The following EFCAB6 variants were observed in gnomAD, a reference collection of about 807,000 sequenced individuals.
EFCAB6 encodes the protein EF-hand calcium binding domain 6.
In EFCAB6, 156 loss-of-function variants were observed where a neutral mutation model predicts 169.8. The observed-to-expected ratio is 0.92, with a 90% CI of 0.81 to 1.05. The LOEUF (loss-of-function observed/expected upper bound fraction) is 1.05. EFCAB6 is among the 50% of genes least tolerant of loss of function. The pLI is 0.00. For synonymous variants in EFCAB6, 698 were observed against 676.4 expected (o/e 1.03, Z -0.50); for missense variants, 1,800 against 1,829.1 (o/e 0.98, Z 0.29).
chr22:43,570,533 G>C (rs1480598291), intron 26 of EFCAB6, among the ~76,000 whole-genome samples: 2 of 152,070 alleles, frequency 1.3e-5, no homozygotes, highest in African/African-American at 2.4e-5. Context: ...GTATTTGCTG[G>C]GGAGAGAAAT....
intron 27 of EFCAB6, chr22:43,553,070 A>C (rs3928058): frequency 6.6e-6 from 1 of 152,218 alleles, no homozygotes; most frequent in Non-Finnish European, 1.5e-5. Context: ...TAATGTCTTT[A>C]CGGCATGCAT....
intron 24 of EFCAB6, 128 bp from the exon 25 acceptor site, chr22:43,580,787 C>A: frequency 3.1e-6 from 3 of 979,204 alleles, no homozygotes; most frequent in Non-Finnish European, 4.6e-6. Context: ...CCATTCCCTT[C>A]GCTGTACGTG....
intron 2 of EFCAB6, among the ~76,000 whole-genome samples, chr22:43,798,811 A>C (rs957097127): frequency 6.6e-6 from 1 of 152,238 alleles, no homozygotes; most frequent in Admixed American, 6.5e-5. Flanking sequence ...CTAATCAGTC[A>C]GCAAGTGATG....
At chr22:43,786,319 A>G (rs915250641) in intron 2 of EFCAB6, among the ~76,000 whole-genome samples, 2 of 152,130 alleles carry the variant, frequency 1.3e-5, no homozygotes, top group Non-Finnish European at 2.9e-5. Flanking sequence ...GCTGAGATCA[A>G]TTCACCTAAC....
intron 19 of EFCAB6, among the ~76,000 whole-genome samples, chr22:43,627,266 C>CA (rs1412039118): frequency 6.6e-6 from 1 of 152,154 alleles, no homozygotes; most frequent in Non-Finnish European, 1.5e-5. Flanking sequence ...GATGAGGAAA[C>CA]AGAGGCTCAG....
chr22:43,614,426 T>C (rs1487670957), intron 21 of EFCAB6, among the ~76,000 whole-genome samples: 1 of 152,128 alleles, frequency 6.6e-6, no homozygotes, highest in African/African-American at 2.4e-5. Flanking sequence ...ACATCCACCT[T>C]TAAATAAATG....
intron 2 of EFCAB6, among the ~76,000 whole-genome samples, chr22:43,791,523 A>G (rs2062287922): frequency 6.6e-6 from 1 of 152,148 alleles, no homozygotes; most frequent in South Asian, 2.1e-4. Context: ...AAGGAGATGA[A>G]GAAGAACCAG....
chr22:43,592,118 G>T (rs1047808189), intron 23 of EFCAB6, among the ~76,000 whole-genome samples: 9 of 152,166 alleles, frequency 5.9e-5, no homozygotes, highest in Non-Finnish European at 1.2e-4. Context: ...ATAATCCATA[G>T]GAAAAGAAAC....
chr22:43,580,653 T>C lies in EFCAB6; in HGVS notation c.3039A>G (p.Gly1013=), dbSNP rs2147305381. 1 of 1,613,550 alleles carries C rather than the reference T, an allele frequency of 6.2e-7. No homozygotes were observed. The highest frequency in any genetic ancestry group is 1.1e-5 in the South Asian group (1 of 90,930). The part of the protein sequence containing the change: ...GELTHLLNSW[G]VSRHDNAINY... ...TGATAGCATTATCATGCCGGCTGACTCCCCAACTTGTCCCAAAAGGAAGAA... is the reference window on the plus strand; with the variant it reads ...TGATAGCATTATCATGCCGGCTGACCCCCCAACTTGTCCCAAAAGGAAGAA... Residue 1013 remains glycine, a synonymous_variant, in exon 25 of 32, where the codon GGA becomes GGG. Coordinates refer to ENST00000262726, the MANE Select transcript of EFCAB6 (RefSeq NM_022785.4).
chr22:43,746,389 T>C (rs1228513983), intron 6 of EFCAB6, among the ~76,000 whole-genome samples: 1 of 152,144 alleles, frequency 6.6e-6, no homozygotes, highest in Admixed American at 6.5e-5. Flanking sequence ...GTTGACACAA[T>C]GAAGCAAAAC....
chr22:43,654,348 G>A (rs1256232752), intron 17 of EFCAB6, among the ~76,000 whole-genome samples: 1 of 152,178 alleles, frequency 6.6e-6, no homozygotes, highest in Non-Finnish European at 1.5e-5. Flanking sequence ...TTCCAATAAC[G>A]AAGAGGGGAG....
At chr22:43,743,844 G>C (rs1040699007) in intron 6 of EFCAB6, among the ~76,000 whole-genome samples, 1 of 152,142 alleles carries the variant, frequency 6.6e-6, no homozygotes, top group Non-Finnish European at 1.5e-5. Flanking sequence ...CTAGGGCCTG[G>C]ATCAATGAAT....
At chr22:43,618,472 A>C (rs889063567) in intron 20 of EFCAB6, among the ~76,000 whole-genome samples, 1 of 152,126 alleles carries the variant, frequency 6.6e-6, no homozygotes, top group Non-Finnish European at 1.5e-5. Flanking sequence ...ATGACAACCC[A>C]AAATCCTACA....
rs539116803 is a variant in EFCAB6 at position 43,795,515 on chromosome 22, C to T, written c.-7-13190G>A. Among the ~76,000 whole-genome samples the T allele has an allele frequency of 3.5e-4, 53 of 152,222 alleles. No individual in the cohort carries two copies. The highest frequency in any genetic ancestry group is 1.2e-3 in the African/African-American group (50 of 41,526). Reference sequence around the variant, plus strand: ...TCCCTCGGCCCTGCTCCACCCCAGCCGATTCCTCTGCCTTGAGACCTCCTG... The same window carrying T: ...TCCCTCGGCCCTGCTCCACCCCAGCTGATTCCTCTGCCTTGAGACCTCCTG... On this transcript the variant is annotated intron_variant, in intron 2 of 31. Coordinates refer to ENST00000262726, the MANE Select transcript of EFCAB6 (RefSeq NM_022785.4). This position sits in a 1 kb window ranked among gnomAD's most constrained non-coding sequence, Gnocchi z 4.2.
intron 2 of EFCAB6, among the ~76,000 whole-genome samples, chr22:43,802,190 C>T (rs2062745683): frequency 6.6e-6 from 1 of 152,066 alleles, no homozygotes; most frequent in African/African-American, 2.4e-5. Context: ...GCACCGACAT[C>T]CCACTGCCAT....
intron 9 of EFCAB6, among the ~76,000 whole-genome samples, chr22:43,716,378 G>T (rs958926549): frequency 6.6e-6 from 1 of 152,006 alleles, no homozygotes; most frequent in African/African-American, 2.4e-5. Context: ...GTCCATTGCT[G>T]CACCAATGCC....
Position 43,784,921 on chromosome 22 carries a change from A to G in EFCAB6, c.-7-2596T>C, listed in dbSNP as rs537924390. Among the ~76,000 whole-genome samples the G allele has an allele frequency of 2.6e-5, 4 of 151,900 alleles. No homozygotes were observed. In the East Asian group the frequency reaches 7.8e-4, roughly 30 times the overall value. On this transcript the variant is annotated intron_variant, in intron 2 of 31. Transcript: ENST00000262726. ...AGAAAGAAACAAAAGAAAATGAAAGAAAGATATATGTCAGAAACTCAGATC... is the reference window on the plus strand; with the variant it reads ...AGAAAGAAACAAAAGAAAATGAAAGGAAGATATATGTCAGAAACTCAGATC...
intron 18 of EFCAB6, among the ~76,000 whole-genome samples, chr22:43,634,343 C>A (rs538136664): frequency 6.6e-6 from 1 of 152,186 alleles, no homozygotes; most frequent in African/African-American, 2.4e-5. Context: ...TAAGGGGTGG[C>A]AAATGACAGT....
intron 17 of EFCAB6, among the ~76,000 whole-genome samples, chr22:43,652,536 A>T (rs1485432281): frequency 1.3e-5 from 2 of 151,972 alleles, no homozygotes; most frequent in Non-Finnish European, 2.9e-5. Flanking sequence ...AGGAGTAGTT[A>T]AAAAAAACAA....
Sources: gnomAD v4.1 joint callset for allele counts (sites outside exome capture counted in the v4.1 genomes callset) on GRCh38, gnomAD v4.1.1 for gene constraint, Gnocchi (gnomAD v3.1) non-coding constraint, MANE v1.5 for transcripts, NCBI Gene and HGNC (gene_info 2026-07-23, HGNC 2026-07-21) for gene names.